SHANK2: variants seen among roughly 807,000 people sequenced by gnomAD.
SHANK2 encodes SH3 and multiple ankyrin repeat domains 2, also known as SH3 and multiple ankyrin repeat domains protein 2.
SHANK2 carries 43 observed loss-of-function variants against 133.7 expected under a neutral mutation model. That is an observed-to-expected ratio of 0.32 (90% CI 0.25 to 0.41). The LOEUF is 0.41. Among genes scored for constraint, SHANK2 ranks in the 10% least tolerant of loss-of-function variants. The pLI is 1.00. For synonymous variants in SHANK2, 1,017 were observed against 952.8 expected (o/e 1.07, Z -1.24); for missense variants, 1,994 against 2,235.8 (o/e 0.89, Z 2.18).
chr11:71,061,205 A>C (rs1950982440), intron 9 of SHANK2, among the ~76,000 whole-genome samples: 1 of 152,232 alleles, frequency 6.6e-6, no homozygotes, highest in South Asian at 2.1e-4. Flanking sequence ...TTGTAAATAA[A>C]GTTTTACTGG....
intron 10 of SHANK2, among the ~76,000 whole-genome samples, chr11:70,918,784 G>C (rs1950306534): frequency 6.6e-6 from 1 of 152,130 alleles, no homozygotes; most frequent in Non-Finnish European, 1.5e-5. Context: ...GGGATTACAG[G>C]GCATGACCCA....
At chr11:70,503,646 T>G (rs1166470420) in intron 17 of SHANK2, among the ~76,000 whole-genome samples, 11 of 152,320 alleles carry the variant, frequency 7.2e-5, no homozygotes, top group Admixed American at 7.2e-4. Context: ...TGAGGAACTC[T>G]TAGGAGCCGG....
chr11:71,234,631 C>G (rs1414311295), intron 1 of SHANK2, among the ~76,000 whole-genome samples: 1 of 152,114 alleles, frequency 6.6e-6, no homozygotes, highest in Non-Finnish European at 1.5e-5. Context: ...CTGGAAGGTG[C>G]CACAAAGCAG....
chr11:71,232,685 C>CTT (rs1954763883), intron 1 of SHANK2, among the ~76,000 whole-genome samples: 2 of 152,224 alleles, frequency 1.3e-5, no homozygotes, highest in South Asian at 4.2e-4. Context: ...GTAACATGTT[C>CTT]TTTTCTCTAC....
chr11:70,510,316 T>A (rs1178171688), intron 17 of SHANK2, among the ~76,000 whole-genome samples: 1 of 152,114 alleles, frequency 6.6e-6, no homozygotes, highest in Non-Finnish European at 1.5e-5. Flanking sequence ...GAGTGGGAAC[T>A]CAGAGGCACT....
intron 9 of SHANK2, among the ~76,000 whole-genome samples, chr11:71,072,585 A>G (rs1392707025): frequency 4.6e-5 from 7 of 152,242 alleles, no homozygotes; most frequent in African/African-American, 1.4e-4. Context: ...ACATGGTTGC[A>G]TCTATGCTCA....
intron 10 of SHANK2, among the ~76,000 whole-genome samples, chr11:70,919,393 T>C (rs1950316425): frequency 6.6e-6 from 1 of 152,076 alleles, no homozygotes; most frequent in Non-Finnish European, 1.5e-5. Context: ...TTTAACTCTT[T>C]TTTTTTGAGA....
intron 9 of SHANK2, among the ~76,000 whole-genome samples, chr11:71,066,077 G>C (rs2135950743): frequency 9.9e-5 from 14 of 141,360 alleles, no homozygotes; most frequent in East Asian, 2.2e-4. Context: ...TGAGCAGTGA[G>C]TGGGGAAGTT....
intron 2 of SHANK2, among the ~76,000 whole-genome samples, chr11:71,181,075 C>T (rs1953545741): frequency 1.3e-5 from 2 of 151,940 alleles, no homozygotes; most frequent in Admixed American, 6.6e-5. Flanking sequence ...GGGAAAGAAA[C>T]CAGAGATGGC....
intron 17 of SHANK2, among the ~76,000 whole-genome samples, chr11:70,525,041 G>T (rs1400434860): frequency 6.6e-6 from 1 of 152,232 alleles, no homozygotes; most frequent in Non-Finnish European, 1.5e-5. Flanking sequence ...CTCTGTGCAG[G>T]TCCCAGCTGC....
intron 23 of SHANK2, 112 bp from the exon 24 acceptor site, chr11:70,489,460 C>T (rs909828784): frequency 2.8e-5 from 27 of 976,352 alleles, no homozygotes; most frequent in East Asian, 9.5e-5. Context: ...ACCACCTCCA[C>T]GGCCACTTAC....
chr11:71,227,797 A>G (rs782165233), intron 1 of SHANK2, among the ~76,000 whole-genome samples: 4 of 152,114 alleles, frequency 2.6e-5, no homozygotes, highest in Admixed American at 2.0e-4. Context: ...TATAGCATAT[A>G]TTAGAAAAGA....
chr11:70,911,012 G>T (rs1590823637), intron 10 of SHANK2: 1 of 457,140 alleles, frequency 2.2e-6, no homozygotes, highest in East Asian at 7.0e-5. Flanking sequence ...AGCATTTGCA[G>T]AAACGAAGGG....
chr11:71,070,727 C>A (rs1364249533), intron 9 of SHANK2, among the ~76,000 whole-genome samples: 1 of 152,266 alleles, frequency 6.6e-6, no homozygotes, highest in African/African-American at 2.4e-5. Context: ...GACTTACATA[C>A]TGTCTATGGC....
intron 8 of SHANK2, among the ~76,000 whole-genome samples, chr11:71,085,899 TTAATTA>T (rs1951394551): frequency 2.1e-4 from 7 of 32,878 alleles, no homozygotes; most frequent in Admixed American, 6.7e-4. Flanking sequence ...AATATATATA[TTAATTA>T]TATATTAATA....
chr11:70,596,055 G>T (rs1406522825), intron 17 of SHANK2, among the ~76,000 whole-genome samples: 3 of 152,198 alleles, frequency 2.0e-5, no homozygotes, highest in African/African-American at 4.8e-5. Context: ...AGGCAAGAAG[G>T]CCCCTCCCCA....
intron 17 of SHANK2, among the ~76,000 whole-genome samples, chr11:70,581,312 T>A (rs145263344): frequency 1.3e-5 from 2 of 152,244 alleles, no homozygotes; most frequent in Admixed American, 1.3e-4. Flanking sequence ...ATGGTATATT[T>A]TGTGTTACAT....
intron 10 of SHANK2, among the ~76,000 whole-genome samples, chr11:70,904,079 C>A (rs543069369): frequency 9.8e-5 from 15 of 152,348 alleles, no homozygotes; most frequent in Admixed American, 5.2e-4. Flanking sequence ...CCCACCCCAT[C>A]AAGGACACCT....
In SHANK2 at chr11:70,726,608, G is replaced by A. The variant is rs936834387; in HGVS notation, c.1778-27845C>T. Reference sequence around the variant, plus strand: ...TCAAAGATTTTCAGAGAGGGAGAAAGTAAGCTCATTTGGGAAGGCAGGTGG... The same window carrying A: ...TCAAAGATTTTCAGAGAGGGAGAAAATAAGCTCATTTGGGAAGGCAGGTGG... On this transcript the variant is annotated intron_variant, in intron 14 of 25. Transcript: ENST00000601538. Among the ~76,000 whole-genome samples, 8 of 152,324 alleles carry A rather than the reference G, an allele frequency of 5.3e-5. No individual in the cohort carries two copies. The East Asian group carries it at 1.5e-3, about 29-fold the overall frequency.
Sources: gnomAD v4.1 joint callset for allele counts (sites outside exome capture counted in the v4.1 genomes callset) on GRCh38, gnomAD v4.1.1 for gene constraint, MANE v1.5 for transcripts, NCBI Gene and HGNC (gene_info 2026-07-23, HGNC 2026-07-21) for gene names.